LRRC53: variants seen among roughly 807,000 people sequenced by gnomAD.
LRRC53 encodes leucine-rich repeat-containing protein 53.
A neutral mutation model predicts 13.6 loss-of-function variants in LRRC53; 25 were observed. That is an observed-to-expected ratio of 1.83 (90% CI 1.34 to 2.56). LRRC53 has a LOEUF of 2.56. Among genes scored for constraint, LRRC53 ranks in the 30% most tolerant of loss-of-function variants. The probability of loss-of-function intolerance (pLI) is 0.00; values close to 1 mark genes in which losing one functional copy is unlikely to be tolerated. For synonymous variants in LRRC53, 204 were observed against 109.8 expected, an observed-to-expected ratio of 1.86 and a Z score of -5.37; for missense variants, 527 against 275.8, an observed-to-expected ratio of 1.91 and a Z score of -6.45.
intron 3 of LRRC53, among the ~76,000 whole-genome samples, chr1:74,479,727 C>T (rs1224491216): frequency 6.6e-6 from 1 of 152,196 alleles, no homozygotes; most frequent in African/African-American, 2.4e-5. Context: ...AATGTAAGTG[C>T]CTTGAGGAAA....
At position 74,472,040 on chromosome 1, in the gene LRRC53, A is replaced by G. The variant is rs1557588425; in HGVS notation, c.1582T>C (p.Ser528Pro). 2 of 708,900 alleles carry G rather than the reference A, an allele frequency of 2.8e-6. No homozygotes were observed. The highest frequency in any genetic ancestry group is 4.1e-5 in the Admixed American group (2 of 48,428). The allele number at this position is 708,900 out of a possible 1,614,324, so 43.9% of individuals were successfully genotyped here. The change falls in exon 5 of 5, where the codon TCA becomes CCA. Residue 528 changes from serine to proline, a missense_variant. Transcript: ENST00000294635. The stretch of plus-strand genomic sequence containing the variant: ...TCAGGCTCACAAGGCTTGGATGATG[A>G]GCTTGTAATAAAATGTCTTTGCCTA... ...PHRQRHFITSSSSKPCEPEEH... is the reference protein window; with the variant it reads ...PHRQRHFITSPSSKPCEPEEH...
chr1:74,490,225 T>C (rs984735921), intron 1 of LRRC53, among the ~76,000 whole-genome samples: 4 of 152,194 alleles, frequency 2.6e-5, no homozygotes, highest in Non-Finnish European at 5.9e-5. Context: ...CCTAAGATCC[T>C]CTTTCCCTTC....
chr1:74,500,979 T>C (rs902940795), intron 1 of LRRC53, among the ~76,000 whole-genome samples: 48 of 152,176 alleles, frequency 3.2e-4, no homozygotes, highest in Non-Finnish European at 8.8e-5. Flanking sequence ...TGTGATATAT[T>C]ATGTTTCCAG....
chr1:74,499,805 G>A (rs1027448004), intron 1 of LRRC53, among the ~76,000 whole-genome samples: 4 of 152,122 alleles, frequency 2.6e-5, no homozygotes, highest in African/African-American at 9.6e-5. Context: ...CATTTATTTA[G>A]ATGTTCTTTA....
chr1:74,505,052 T>C (rs908757167), intron 1 of LRRC53, among the ~76,000 whole-genome samples: 1 of 152,198 alleles, frequency 6.6e-6, no homozygotes, highest in Non-Finnish European at 1.5e-5. Context: ...GAGAGTTCTA[T>C]GAGGTTTTCA....
upstream of LRRC53, among the ~76,000 whole-genome samples, chr1:74,516,868 T>A (rs760070898): frequency 2.6e-5 from 4 of 152,202 alleles, no homozygotes; most frequent in Non-Finnish European, 5.9e-5. Flanking sequence ...TGAAATGCCC[T>A]TATTGCCAGT....
At chr1:74,488,891 T>G (rs1242887576) in intron 1 of LRRC53, among the ~76,000 whole-genome samples, 1 of 152,192 alleles carries the variant, frequency 6.6e-6, no homozygotes, top group Non-Finnish European at 1.5e-5. Flanking sequence ...TCTTTCATTT[T>G]GAAGAGGAAA....
intron 1 of LRRC53, among the ~76,000 whole-genome samples, chr1:74,489,983 C>T (rs1166061550): frequency 7.1e-6 from 1 of 140,104 alleles, no homozygotes; most frequent in African/African-American, 2.7e-5. Context: ...AGAGAAATAG[C>T]ATCAACCTGA....
intron 4 of LRRC53, among the ~76,000 whole-genome samples, chr1:74,473,820 T>C (rs1668056116): frequency 6.6e-6 from 1 of 152,160 alleles, no homozygotes; most frequent in Admixed American, 6.6e-5. Flanking sequence ...GTAGCCTTTG[T>C]CAGAGTCTCA....
the LRRC53 span, among the ~76,000 whole-genome samples, chr1:74,523,354 T>G: frequency 6.6e-6 from 1 of 152,264 alleles, no homozygotes; most frequent in Non-Finnish European, 1.5e-5. Flanking sequence ...TGTGTTTTTC[T>G]ATACACATAT....
chr1:74,492,952 T>C (rs1004388200), intron 1 of LRRC53, among the ~76,000 whole-genome samples: 1 of 152,228 alleles, frequency 6.6e-6, no homozygotes, highest in Non-Finnish European at 1.5e-5. Flanking sequence ...CACCTTTTTT[T>C]CTCTGTCCTT....
At chr1:74,522,085 C>T in the LRRC53 span, among the ~76,000 whole-genome samples, 1 of 152,280 alleles carries the variant, frequency 6.6e-6, no homozygotes, top group Admixed American at 6.5e-5. Flanking sequence ...TTCCAATTCT[C>T]TCATGCTGAT....
At chr1:74,524,461 CTG>C in the LRRC53 span, among the ~76,000 whole-genome samples, 1 of 152,164 alleles carries the variant, frequency 6.6e-6, no homozygotes, top group Non-Finnish European at 1.5e-5. Context: ...TGGTGACTAA[CTG>C]TGGAATCTCC....
chr1:74,517,221 A>C (rs12082269), upstream of LRRC53, among the ~76,000 whole-genome samples: 14,511 of 152,250 alleles, frequency 0.095, 1,582 homozygotes, highest in African/African-American at 0.27. Flanking sequence ...ACATTAATCC[A>C]ATTTTACAGA....
At chr1:74,477,505 A>T (rs1373845796) in intron 3 of LRRC53, among the ~76,000 whole-genome samples, 3 of 152,210 alleles carry the variant, frequency 2.0e-5, no homozygotes, top group Non-Finnish European at 4.4e-5. Context: ...CATTATGATG[A>T]TATTTTAAAT....
chr1:74,516,416 A>C (rs1189314389), upstream of LRRC53, among the ~76,000 whole-genome samples: 5 of 152,216 alleles, frequency 3.3e-5, no homozygotes, highest in East Asian at 9.6e-4. Flanking sequence ...GGAAGGCAAT[A>C]TCAAATCCGT....
In LRRC53 at chr1:74,480,398, C is replaced by G. The variant is rs1368915673; in HGVS notation, c.659G>C (p.Cys220Ser). The G allele has an allele frequency of 1.7e-5, 12 of 717,486 alleles. No homozygotes were observed. The highest frequency in any genetic ancestry group is 5.2e-5 in the African/African-American group (3 of 57,264). The allele number at this position is 717,486 out of a possible 1,614,324, so 44.4% of individuals were successfully genotyped here. The part of the protein sequence containing the change: ...SLDKNQWSCT[C>S]DLHPLARFLR... ...AAACCGAGCAAGGGGATGGAGATCA[C>G]AAGTGCAGCTCCACTGGTTCTTATC... Residue 220 changes from cysteine (C) to serine (S), a missense_variant, in exon 3 of 5, where the codon TGT becomes TCT. Coordinates refer to ENST00000294635, the MANE Select transcript of LRRC53 (RefSeq NM_001382280.1).
chr1:74,490,790 C>G (rs1669031877), intron 1 of LRRC53, among the ~76,000 whole-genome samples: 2 of 152,202 alleles, frequency 1.3e-5, no homozygotes, highest in Admixed American at 6.5e-5. Context: ...TATTTGAAAG[C>G]AGGACCCTAG....
intron 4 of LRRC53, among the ~76,000 whole-genome samples, 179 bp downstream of exon 4, chr1:74,475,116 C>CACACA (rs1668125578): frequency 5.1e-5 from 7 of 135,994 alleles, no homozygotes; most frequent in East Asian, 2.3e-4. Context: ...CCACCTCAGC[C>CACACA]CACACACACA....
Sources: allele counts gnomAD v4.1 joint callset (sites outside exome capture counted in the v4.1 genomes callset), GRCh38; gene constraint gnomAD v4.1.1; transcripts MANE v1.5; gene names NCBI Gene and HGNC (gene_info 2026-07-23, HGNC 2026-07-21).